MLLT3: variants seen among roughly 807,000 people sequenced by gnomAD.
MLLT3 encodes the protein MLLT3 super elongation complex subunit, also known as protein AF-9.
Under a neutral mutation model 53.2 loss-of-function variants are expected in MLLT3, and 4 were observed. The ratio of observed to expected loss-of-function variants is 0.08; its 90% CI spans 0.04 to 0.17. MLLT3 has a LOEUF of 0.17. Ranked by LOEUF, MLLT3 falls within the 10% of genes least tolerant of loss-of-function variation. The pLI is 1.00. For missense variants in MLLT3, 569 were observed against 684.0 expected (o/e 0.83, Z 1.87); for synonymous variants, 283 against 230.6 (o/e 1.23, Z -2.06).
At position 20,346,375 on chromosome 9, in the gene MLLT3, C is replaced by T. The variant is rs1345312965; in HGVS notation, c.*68G>A. ...TATAAACAACAAGAACAAAAAATCA[C>T]AACCAAAAAAAAAAAAAACCAAAAA... On this transcript the variant is annotated 3_prime_UTR_variant, in exon 11 of 11. Coordinates refer to ENST00000380338, the MANE Select transcript of MLLT3 (RefSeq NM_004529.4). The T allele has an allele frequency of 4.0e-6, 5 of 1,245,264 alleles. No individual in the cohort carries two copies. In the South Asian group the frequency reaches 5.0e-5, roughly 12 times the overall value. 77.1% of individuals were successfully genotyped at this position (1,245,264 alleles called of 1,614,324 possible).
chr9:20,453,117 C>G (rs533252013), intron 3 of MLLT3, among the ~76,000 whole-genome samples: 2 of 152,098 alleles, frequency 1.3e-5, no homozygotes, highest in South Asian at 4.1e-4. Flanking sequence ...CTAAGACATC[C>G]TAAGAAAACA....
chr9:20,397,870 T>C (rs1354800769), intron 5 of MLLT3, among the ~76,000 whole-genome samples: 1 of 152,082 alleles, frequency 6.6e-6, no homozygotes, highest in African/African-American at 2.4e-5. Context: ...TGCTACAGTG[T>C]ATCCAATGAA....
chr9:20,341,704 T>C lies in MLLT3; in HGVS notation c.*4739A>G, dbSNP rs3824576. ...AACTGAATGTATTTTATTCTCTTTG[T>C]TGTAGTAGTTGTTCTCCTTCCTGTC... On this transcript the variant is annotated 3_prime_UTR_variant, in exon 11 of 11. Transcript: ENST00000380338. 0.27 allele frequency: 49,307 copies of C among 183,524 alleles called. 11,440 individuals are homozygous for C. The highest frequency in any genetic ancestry group is 0.72 in the East Asian group (8,009 of 11,188). 11.4% of individuals were successfully genotyped at this position (183,524 alleles called of 1,614,324 possible).
chr9:20,477,389 T>G (rs1166057210), intron 2 of MLLT3, among the ~76,000 whole-genome samples: 2 of 152,136 alleles, frequency 1.3e-5, no homozygotes, highest in African/African-American at 4.8e-5. Context: ...GTCTCTGTTT[T>G]ATAATGGCAT....
Position 20,621,853 on chromosome 9 carries a change from C to T in MLLT3, c.12+392G>A. ...GTCCCCGGACTGTGCCCGCAGCTCC[C>T]GGCGGCGGCGGCTGAAATATGGCTG... On this transcript the variant is annotated intron_variant, in intron 1 of 10. Transcript: ENST00000380338. The surrounding 1 kb of genome is among the most constrained non-coding windows in gnomAD (Gnocchi z 7.0). 1 of 1,372,248 alleles carries T rather than the reference C, an allele frequency of 7.3e-7. No homozygotes were observed. The highest frequency in any genetic ancestry group is 3.8e-5 in the Admixed American group (1 of 26,280). 85.0% of individuals were successfully genotyped at this position (1,372,248 alleles called of 1,614,324 possible).
intron 2 of MLLT3, among the ~76,000 whole-genome samples, chr9:20,546,279 C>A (rs937845492): frequency 2.0e-5 from 3 of 152,148 alleles, no homozygotes; most frequent in African/African-American, 7.2e-5. Context: ...TTTCCCATTG[C>A]CACTTAAAAA....
chr9:20,568,431 T>C (rs556404430), intron 2 of MLLT3, among the ~76,000 whole-genome samples: 1 of 152,312 alleles, frequency 6.6e-6, no homozygotes, highest in African/African-American at 2.4e-5. Flanking sequence ...TTTTATTCAG[T>C]ATGCTTTTTG....
At chr9:20,539,936 T>C (rs1385190632) in intron 2 of MLLT3, among the ~76,000 whole-genome samples, 4 of 152,182 alleles carry the variant, frequency 2.6e-5, no homozygotes, top group Non-Finnish European at 4.4e-5. Context: ...ACTTCCAAGA[T>C]ACAATGGAGG....
intron 5 of MLLT3, chr9:20,380,345 C>A (rs1821877350): frequency 6.6e-6 from 1 of 151,984 alleles, no homozygotes; most frequent in Admixed American, 6.6e-5. Flanking sequence ...ATTAGAACAA[C>A]AGCACACATG....
intron 2 of MLLT3, among the ~76,000 whole-genome samples, chr9:20,486,391 G>A (rs1824813849): frequency 6.6e-6 from 1 of 151,926 alleles, no homozygotes; most frequent in Non-Finnish European, 1.5e-5. Context: ...TATAAAATAA[G>A]ACTTGAATAA....
intron 3 of MLLT3, 133 bp downstream of exon 3, chr9:20,456,570 TC>T (rs897268126): frequency 7.7e-6 from 5 of 651,256 alleles, no homozygotes; most frequent in Non-Finnish European, 1.0e-5. Flanking sequence ...TAGCCAAAAT[TC>T]CTAGAAGACA....
chr9:20,479,399 C>A (rs1479412914), intron 2 of MLLT3, among the ~76,000 whole-genome samples: 1 of 152,066 alleles, frequency 6.6e-6, no homozygotes, highest in Non-Finnish European at 1.5e-5. Flanking sequence ...CTAGAGCAAC[C>A]CTTTTTTTTC....
At chr9:20,451,412 A>G (rs1402090466) in intron 3 of MLLT3, among the ~76,000 whole-genome samples, 1 of 152,244 alleles carries the variant, frequency 6.6e-6, no homozygotes, top group Non-Finnish European at 1.5e-5. Context: ...GGTAATATCA[A>G]CATCACTTTA....
chr9:20,511,409 C>A (rs2118961418), intron 2 of MLLT3, among the ~76,000 whole-genome samples: 1 of 152,256 alleles, frequency 6.6e-6, no homozygotes, highest in South Asian at 2.1e-4. Flanking sequence ...AAAAATTAAT[C>A]TACCAAGAAA....
rs991626620 is a variant in MLLT3 at position 20,621,256 on chromosome 9, C to T, written c.13-422G>A. Among the ~76,000 whole-genome samples, 8 of 152,272 alleles carry T rather than the reference C, an allele frequency of 5.3e-5. No individual in the cohort carries two copies. Among genetic ancestry groups the T allele is most frequent in the African/African-American group, 1.9e-4 (8 of 41,582 alleles). ...GGGGGACCGAAGGGCTCCTGGCGAG[C>T]CCCCTCCCCGAAAGTACCGCGGCGA... On this transcript the variant is annotated intron_variant, in intron 1 of 10. Transcript: ENST00000380338. The surrounding 1 kb of genome is among the most constrained non-coding windows in gnomAD (Gnocchi z 7.0).
chr9:20,484,744 C>A (rs573642227), intron 2 of MLLT3, among the ~76,000 whole-genome samples: 36 of 152,238 alleles, frequency 2.4e-4, no homozygotes, highest in Admixed American at 1.0e-3. Flanking sequence ...TCCCCCAAGA[C>A]AGTACCAGTG....
Position 20,346,419 on chromosome 9 carries a change from T to C in MLLT3, c.*24A>G. On this transcript the variant is annotated 3_prime_UTR_variant, in exon 11 of 11. Coordinates refer to ENST00000380338, the MANE Select transcript of MLLT3 (RefSeq NM_004529.4). Reference sequence around the variant, plus strand: ...CCAAAAAAAAAAAACACAATAGTTCTTGATGCATCCAGTTGTTATATCCTC... The same window carrying C: ...CCAAAAAAAAAAAACACAATAGTTCCTGATGCATCCAGTTGTTATATCCTC... The C allele has an allele frequency of 6.4e-7, 1 of 1,550,716 alleles. No homozygotes were observed. Among genetic ancestry groups the C allele is most frequent in the Non-Finnish European group, 8.7e-7 (1 of 1,153,060 alleles).
chr9:20,454,506 A>G (rs996604993), intron 3 of MLLT3, among the ~76,000 whole-genome samples: 20 of 152,238 alleles, frequency 1.3e-4, no homozygotes, highest in Non-Finnish European at 2.9e-4. Flanking sequence ...ACTGAAGTCA[A>G]TGCAATGTCA....
intron 5 of MLLT3, among the ~76,000 whole-genome samples, chr9:20,395,970 T>C (rs1012635665): frequency 6.6e-6 from 1 of 152,166 alleles, no homozygotes; most frequent in African/African-American, 2.4e-5. Context: ...CAGGACAGCA[T>C]AGGCTTGTTC....
Sources: allele counts gnomAD v4.1 joint callset (sites outside exome capture counted in the v4.1 genomes callset), GRCh38; gene constraint gnomAD v4.1.1; non-coding constraint Gnocchi (gnomAD v3.1); transcripts MANE v1.5; gene names NCBI Gene and HGNC (gene_info 2026-07-23, HGNC 2026-07-21).